Variants in NCAPG observed in about 807,000 individuals in gnomAD.
NCAPG encodes condensin complex subunit 3.
A neutral mutation model predicts 113.1 loss-of-function variants in NCAPG; 69 were observed. The ratio of observed to expected loss-of-function variants is 0.61; its 90% CI spans 0.50 to 0.75. The LOEUF is 0.75. Ranked by LOEUF, NCAPG falls within the 30% of genes least tolerant of loss-of-function variation. The pLI is 0.00. For synonymous variants in NCAPG, 370 were observed against 415.8 expected (o/e 0.89, Z 1.34); for missense variants, 1,058 against 1,177.0 (o/e 0.90, Z 1.48).
At chr4:17,812,664 T>G (rs1721040858) in intron 2 of NCAPG, among the ~76,000 whole-genome samples, 1 of 152,190 alleles carries the variant, frequency 6.6e-6, no homozygotes, top group African/African-American at 2.4e-5. Flanking sequence ...TTTAAATGAG[T>G]TCTGTATTTT....
rs117540091 is a variant in NCAPG, at chr4:17,811,014, G to T, written c.-64G>T. ...ACTACTCGGAGAGCGCTGCCTCTGG[G>T]TTGGCGGGCTGGCAGGCTGTAGCCG... On this transcript the variant is annotated 5_prime_UTR_variant, in exon 1 of 21. Coordinates refer to ENST00000251496, the MANE Select transcript of NCAPG (RefSeq NM_022346.5). The surrounding 1 kb of genome is among the most constrained non-coding windows in gnomAD (Gnocchi z 5.3). 3,114 of 1,024,220 alleles carry T rather than the reference G, an allele frequency of 3.0e-3. 72 individuals are homozygous for T. In the East Asian group the frequency reaches 0.051, roughly 17 times the overall value. The allele number at this position is 1,024,220 out of a possible 1,614,324, so 63.4% of individuals were successfully genotyped here.
chr4:17,833,012 G>A (rs895131950), intron 13 of NCAPG, among the ~76,000 whole-genome samples: 9 of 152,006 alleles, frequency 5.9e-5, no homozygotes, highest in Non-Finnish European at 1.3e-4. Context: ...TTATTTACAG[G>A]TGATATTTAT....
chr4:17,838,937 C>G (rs1448986242), intron 16 of NCAPG, among the ~76,000 whole-genome samples: 1 of 151,942 alleles, frequency 6.6e-6, no homozygotes, highest in African/African-American at 2.4e-5. Flanking sequence ...CTGTATAATT[C>G]GCTTGTAGAA....
Position 17,839,688 on chromosome 4 carries a change from C to A in NCAPG, c.2479C>A (p.His827Asn). 1 of 1,555,972 alleles carries A rather than the reference C, an allele frequency of 6.4e-7. No homozygotes were observed. Among genetic ancestry groups the A allele is most frequent in the South Asian group, 1.2e-5 (1 of 81,302 alleles). Residue 827 changes from histidine (H) to asparagine (N), a missense_variant, in exon 17 of 21, where the codon CAT becomes AAT. By Grantham distance (68) the His-to-Asn change is moderately conservative. Coordinates refer to ENST00000251496, the MANE Select transcript of NCAPG (RefSeq NM_022346.5). ...CTTAATTTTTTAGGCCTTAACAGTACATGACAATTTGGCTATGAAAATTTG... is the reference window on the plus strand; with the variant it reads ...CTTAATTTTTTAGGCCTTAACAGTAAATGACAATTTGGCTATGAAAATTTG... ...TSQDYQALTV[H>N]DNLAMKICNE...
intron 5 of NCAPG, 57 bp from the exon 6 acceptor site, chr4:17,817,204 C>T: frequency 7.8e-7 from 1 of 1,279,828 alleles, no homozygotes; most frequent in South Asian, 1.4e-5. Context: ...AGACAAAATA[C>T]AAGAGATGGA....
At chr4:17,817,791 T>G in intron 6 of NCAPG, 148 bp from the exon 7 acceptor site, 1 of 803,244 alleles carries the variant, frequency 1.2e-6, no homozygotes, top group Non-Finnish European at 1.8e-6. Context: ...GTTTCTTCAT[T>G]CCTTTTTGTG....
chr4:17,842,257 A>C, intron 19 of NCAPG, 53 bp from the exon 20 acceptor site: 1 of 1,533,262 alleles, frequency 6.5e-7, no homozygotes, highest in Non-Finnish European at 9.0e-7. Context: ...ACTAGATTAA[A>C]AACAAAAAGC....
chr4:17,822,409 C>A (rs1721495051), intron 7 of NCAPG, among the ~76,000 whole-genome samples: 1 of 151,828 alleles, frequency 6.6e-6, no homozygotes, highest in African/African-American at 2.4e-5. Context: ...CCAGGCTGGT[C>A]TCGAACTCCT....
At chr4:17,818,740 G>C (rs539275316) in intron 7 of NCAPG, among the ~76,000 whole-genome samples, 1 of 152,094 alleles carries the variant, frequency 6.6e-6, no homozygotes, top group Admixed American at 6.5e-5. Flanking sequence ...CTAGCTTCAT[G>C]TTTTAAAGTT....
Position 17,834,453 on chromosome 4 carries a change from CA to C in NCAPG, c.2043del (p.Glu682LysfsTer12). 1 of 1,610,724 alleles carries C rather than the reference CA, an allele frequency of 6.2e-7. No individual in the cohort carries two copies. The highest frequency in any genetic ancestry group is 8.5e-7 in the Non-Finnish European group (1 of 1,178,330). ...ATAAACAGTGATGATGAGCAAGAATCAAAAGAAGTTGAAGAGACTGCTACAG... is the reference window on the plus strand; with the variant it reads ...ATAAACAGTGATGATGAGCAAGAATCAAAGAAGTTGAAGAGACTGCTACAG... ...TEINSDDEQESKEVEETATAK... is the reference protein window; with the variant it reads ...TEINSDDEQEXKEVEETATAK... On this transcript the variant is annotated frameshift_variant, in exon 14 of 21. Transcript: ENST00000251496. LOFTEE classifies it high-confidence loss of function.
intron 3 of NCAPG, among the ~76,000 whole-genome samples, chr4:17,814,419 G>T (rs1721112276): frequency 6.6e-6 from 1 of 152,144 alleles, no homozygotes; most frequent in South Asian, 2.1e-4. Context: ...GAAAAAGAAG[G>T]AAGTTGGTGG....
At position 17,831,171 on chromosome 4, in the gene NCAPG, G is replaced by A. The variant is rs1310544507; in HGVS notation, c.1884+55G>A. 5.1e-6 allele frequency: 8 copies of A among 1,570,212 alleles called. No homozygotes were observed. In the East Asian group the frequency reaches 9.0e-5, roughly 18 times the overall value. On this transcript the variant is annotated intron_variant, in intron 13 of 20. Coordinates refer to ENST00000251496, the MANE Select transcript of NCAPG (RefSeq NM_022346.5). Reference sequence around the variant, plus strand: ...TGTATTTCCTGAAATACTCTGTGGCGATAATGCTAATACTCTGAATTTATC... The same window carrying A: ...TGTATTTCCTGAAATACTCTGTGGCAATAATGCTAATACTCTGAATTTATC...
chr4:17,821,436 C>T (rs1721450259), intron 7 of NCAPG, among the ~76,000 whole-genome samples: 1 of 141,454 alleles, frequency 7.1e-6, no homozygotes, highest in South Asian at 2.3e-4. Flanking sequence ...ATTTCTGTAA[C>T]TTGGTTTTTG....
At chr4:17,824,041 T>C (rs1250878605) in intron 9 of NCAPG, among the ~76,000 whole-genome samples, 1 of 152,150 alleles carries the variant, frequency 6.6e-6, no homozygotes, top group Admixed American at 6.5e-5. Context: ...GATATGGTTT[T>C]GTCCATGAGG....
intron 8 of NCAPG, 83 bp from the exon 9 acceptor site, chr4:17,823,564 A>C: frequency 8.0e-7 from 1 of 1,248,552 alleles, no homozygotes; most frequent in South Asian, 1.4e-5. Flanking sequence ...GGCAAATGTA[A>C]TTAAGTTTGC....
In NCAPG at chr4:17,840,611, G is replaced by T. The variant is rs780424132; in HGVS notation, c.2772G>T (p.Lys924Asn). ...TTGTATTATTCCCTTTAATAGAAAA[G>T]AATAAAGAAGTATATATGACTCCAC... is the stretch of plus-strand genomic sequence containing the variant. Reference protein sequence around the residue: ...TTTTFQNEDEKNKEVYMTPLR... With the variant: ...TTTTFQNEDENNKEVYMTPLR... The change falls in exon 19 of 21, where the codon AAG (lysine) becomes AAT (asparagine). Residue 924 changes from lysine (K) to asparagine (N), a missense_variant. Transcript: ENST00000251496. 15 of 1,477,902 alleles carry T rather than the reference G, an allele frequency of 1.0e-5. No homozygotes were observed. The highest frequency in any genetic ancestry group is 1.4e-5 in the Non-Finnish European group (15 of 1,111,084). 91.5% of individuals were successfully genotyped at this position (1,477,902 alleles called of 1,614,324 possible).
chr4:17,830,622 T>C (rs140656997), intron 12 of NCAPG, among the ~76,000 whole-genome samples: 23 of 151,476 alleles, frequency 1.5e-4, no homozygotes, highest in African/African-American at 4.9e-4. Context: ...TGGTACCCAT[T>C]TGTGACTTCT....
chr4:17,840,632 TC>T lies in NCAPG; in HGVS notation c.2795del (p.Pro932HisfsTer5). 6.5e-7 allele frequency: 1 copy of T among 1,544,502 alleles called. No homozygotes were observed. Among genetic ancestry groups the T allele is most frequent in the Non-Finnish European group, 8.7e-7 (1 of 1,146,958 alleles). On this transcript the variant is annotated frameshift_variant, in exon 19 of 21. Coordinates refer to ENST00000251496, the MANE Select transcript of NCAPG (RefSeq NM_022346.5). LOFTEE classifies it high-confidence loss of function. ...AAAAGAATAAAGAAGTATATATGAC[TC>T]CACTCAGGGGTGTAAAAGCAACCCA... ...DEKNKEVYMTPLRGVKATQAS... is the reference protein window; with the variant it reads ...DEKNKEVYMTXLRGVKATQAS...
intron 11 of NCAPG, among the ~76,000 whole-genome samples, chr4:17,826,879 C>G (rs923388240): frequency 2.0e-5 from 3 of 152,204 alleles, no homozygotes; most frequent in African/African-American, 7.2e-5. Context: ...GTGGTAGTCA[C>G]AGCATTAATT....
Sources: allele counts gnomAD v4.1 joint callset (sites outside exome capture counted in the v4.1 genomes callset), GRCh38; gene constraint gnomAD v4.1.1; non-coding constraint Gnocchi (gnomAD v3.1); transcripts MANE v1.5; gene names NCBI Gene and HGNC (gene_info 2026-07-23, HGNC 2026-07-21).